Variants in CDH12 observed in about 807,000 individuals in gnomAD.
CDH12 encodes cadherin 12, also known as cadherin-12.
In CDH12, 41 loss-of-function variants were observed where a neutral mutation model predicts 74.1. The observed-to-expected ratio is 0.55, with a 90% CI of 0.43 to 0.72. CDH12 has a LOEUF of 0.72. CDH12 is among the 30% of genes least tolerant of loss of function. The pLI, the probability that CDH12 is intolerant of heterozygous loss-of-function variation, is 0.00. For missense variants in CDH12, 945 were observed against 977.2 expected (o/e 0.97, Z 0.44); for synonymous variants, 399 against 355.0 (o/e 1.12, Z -1.39).
intron 1 of CDH12, among the ~76,000 whole-genome samples, chr5:22,562,586 A>AT (rs568879284): frequency 0.02 from 3,017 of 150,036 alleles, 52 homozygotes; most frequent in East Asian, 0.064. Flanking sequence ...ACTGGAAGGG[A>AT]TTTTTTTTTT....
chr5:22,498,998 C>A (rs543177102), intron 2 of CDH12, among the ~76,000 whole-genome samples: 8 of 149,120 alleles, frequency 5.4e-5, no homozygotes, highest in Non-Finnish European at 1.0e-4. Context: ...CTGTCTCCCC[C>A]GTTCAAGTGA....
chr5:21,806,244 T>C (rs957365007), intron 9 of CDH12, among the ~76,000 whole-genome samples: 1 of 152,172 alleles, frequency 6.6e-6, no homozygotes, highest in African/African-American at 2.4e-5. Flanking sequence ...AAAATATAAG[T>C]GGCCTTGCAA....
At chr5:21,872,791 T>TA (rs1751698370) in intron 6 of CDH12, among the ~76,000 whole-genome samples, 1 of 116,960 alleles carries the variant, frequency 8.5e-6, no homozygotes, top group South Asian at 2.7e-4. Context: ...AAGATCTATC[T>TA]ATCTATCTAT....
intron 5 of CDH12, among the ~76,000 whole-genome samples, chr5:22,069,499 T>C (rs1741794457): frequency 6.6e-6 from 1 of 152,168 alleles, no homozygotes; most frequent in African/African-American, 2.4e-5. Flanking sequence ...TTACTCCTGG[T>C]GACATATTAG....
chr5:21,927,136 G>T (rs952743675), intron 6 of CDH12, among the ~76,000 whole-genome samples: 3 of 152,138 alleles, frequency 2.0e-5, no homozygotes, highest in African/African-American at 7.2e-5. Flanking sequence ...AAGTAGAGAG[G>T]CAGAGTTAGC....
At chr5:22,023,403 C>T (rs544821073) in intron 5 of CDH12, among the ~76,000 whole-genome samples, 1 of 152,228 alleles carries the variant, frequency 6.6e-6, no homozygotes, top group Non-Finnish European at 1.5e-5. Context: ...ATTAAATAAA[C>T]ATGCAAACAT....
intron 4 of CDH12, among the ~76,000 whole-genome samples, chr5:22,194,269 A>AC (rs1252626954): frequency 7.4e-6 from 1 of 134,544 alleles, no homozygotes; most frequent in African/African-American, 2.8e-5. Context: ...TATGTAACCT[A>AC]CCTCCCCCAC....
chr5:22,428,231 AAT>A (rs1561396791), intron 2 of CDH12, among the ~76,000 whole-genome samples: 12 of 140,272 alleles, frequency 8.6e-5, no homozygotes, highest in African/African-American at 3.0e-4. Context: ...ACACACACAC[AAT>A]CTATGTGCAT....
intron 3 of CDH12, among the ~76,000 whole-genome samples, chr5:22,294,784 G>T (rs1737552846): frequency 6.6e-6 from 1 of 152,138 alleles, no homozygotes; most frequent in African/African-American, 2.4e-5. Flanking sequence ...CCGACTATAG[G>T]TCCATGGCCT....
chr5:22,102,156 G>A (rs1172120809), intron 4 of CDH12, among the ~76,000 whole-genome samples: 2 of 152,092 alleles, frequency 1.3e-5, no homozygotes, highest in Non-Finnish European at 2.9e-5. Flanking sequence ...AAACTGTTAT[G>A]TTTGTTTAAT....
intron 1 of CDH12, among the ~76,000 whole-genome samples, chr5:22,678,972 C>T (rs1288765022): frequency 5.3e-5 from 8 of 152,012 alleles, no homozygotes; most frequent in African/African-American, 9.7e-5. Flanking sequence ...ACTAAGAAAT[C>T]GATATGTTCC....
intron 3 of CDH12, among the ~76,000 whole-genome samples, chr5:22,397,120 T>C (rs1275406005): frequency 6.6e-6 from 1 of 152,086 alleles, no homozygotes; most frequent in Non-Finnish European, 1.5e-5. Context: ...CCCTTGTAGG[T>C]AGATGAGGCT....
chr5:22,846,779 C>G (rs890907512), intron 1 of CDH12, among the ~76,000 whole-genome samples: 2 of 152,148 alleles, frequency 1.3e-5, no homozygotes, highest in African/African-American at 4.8e-5. Context: ...GACAATATCC[C>G]TATCTGGAGG....
At chr5:21,799,901 C>T (rs1194323347) in intron 10 of CDH12, among the ~76,000 whole-genome samples, 2 of 152,196 alleles carry the variant, frequency 1.3e-5, no homozygotes, top group African/African-American at 4.8e-5. Context: ...GGTGTCCCTC[C>T]GAGTGGTGGA....
At chr5:22,101,785 A>C (rs139451446) in intron 4 of CDH12, among the ~76,000 whole-genome samples, 50 of 152,312 alleles carry the variant, frequency 3.3e-4, no homozygotes, top group African/African-American at 1.1e-3. Context: ...GCAGATGAGA[A>C]AACTGGGATG....
intron 8 of CDH12, among the ~76,000 whole-genome samples, chr5:21,830,251 A>ACTTCTCTG (rs1250298280): frequency 7.1e-6 from 1 of 141,282 alleles, no homozygotes; most frequent in African/African-American, 2.7e-5. Context: ...TTTGACTCTC[A>ACTTCTCTG]CTTCTCTGCT....
At chr5:21,925,421 G>A (rs1270903619) in intron 6 of CDH12, among the ~76,000 whole-genome samples, 1 of 152,100 alleles carries the variant, frequency 6.6e-6, no homozygotes, top group Admixed American at 6.5e-5. Context: ...GATGTGACTT[G>A]TGTCTATCCT....
At chr5:22,011,135 T>A (rs1737272437) in intron 5 of CDH12, among the ~76,000 whole-genome samples, 1 of 152,100 alleles carries the variant, frequency 6.6e-6, no homozygotes, top group Non-Finnish European at 1.5e-5. Context: ...ATGGAGAGGT[T>A]AGTGAAAATA....
chr5:21,932,410 A>T (rs1458397838), intron 6 of CDH12, among the ~76,000 whole-genome samples: 1 of 152,230 alleles, frequency 6.6e-6, no homozygotes, highest in Non-Finnish European at 1.5e-5. Flanking sequence ...CATTGTGATT[A>T]AAATAAAAGT....
Sources: allele counts gnomAD v4.1 joint callset (sites outside exome capture counted in the v4.1 genomes callset), GRCh38; gene constraint gnomAD v4.1.1; transcripts MANE v1.5; gene names NCBI Gene and HGNC (gene_info 2026-07-23, HGNC 2026-07-21).